Variants in PRR5L observed in about 807,000 individuals in gnomAD.
PRR5L encodes proline rich 5 like, also known as proline-rich protein 5-like.
Under a neutral mutation model 36.4 loss-of-function variants are expected in PRR5L, and 21 were observed. The ratio of observed to expected loss-of-function variants is 0.58; its 90% CI spans 0.41 to 0.83. The LOEUF (loss-of-function observed/expected upper bound fraction) is 0.83. PRR5L is among the 40% of genes least tolerant of loss of function. The pLI is 0.00. For missense variants in PRR5L, 381 were observed against 473.3 expected (o/e 0.80, Z 1.81); for synonymous variants, 188 against 197.0 (o/e 0.95, Z 0.38).
chr11:36,349,100 C>G (rs1050543453), intron 1 of PRR5L, among the ~76,000 whole-genome samples: 1 of 151,922 alleles, frequency 6.6e-6, no homozygotes, highest in Non-Finnish European at 1.5e-5. Flanking sequence ...GTGTGGCCAA[C>G]GTGGTGAAAC....
rs995000753 is a variant in PRR5L, at chr11:36,300,824, A to AGCTGG, written c.-126+4399_-126+4403dup. ...TCAGGTTCATCTGGCAGCCGTGCAG[A>AGCTGG]GCTGGGCTGGGCTGGGCCGGGCTGA... On this transcript the variant is annotated intron_variant, in intron 1 of 8. Transcript: ENST00000530639. 4 of 152,588 alleles carry AGCTGG rather than the reference A, an allele frequency of 2.6e-5. No individual in the cohort carries two copies. In the East Asian group the frequency reaches 7.7e-4, roughly 30 times the overall value. The allele number at this position is 152,588 out of a possible 1,614,324, so 9.5% of individuals were successfully genotyped here.
At chr11:36,405,416 TG>T (rs1704252745) in intron 3 of PRR5L, among the ~76,000 whole-genome samples, 1 of 152,224 alleles carries the variant, frequency 6.6e-6, no homozygotes, top group South Asian at 2.1e-4. Flanking sequence ...GGATTGAATA[TG>T]GCCAAGAAGC....
intron 3 of PRR5L, among the ~76,000 whole-genome samples, chr11:36,416,295 A>G (rs2133578350): frequency 6.6e-6 from 1 of 152,322 alleles, no homozygotes; most frequent in Non-Finnish European, 1.5e-5. Flanking sequence ...GCCCAGGTAG[A>G]GCAATAGAAT....
chr11:36,348,476 C>G (rs554209568), intron 1 of PRR5L, among the ~76,000 whole-genome samples: 1 of 152,232 alleles, frequency 6.6e-6, no homozygotes, highest in South Asian at 2.1e-4. Flanking sequence ...CAAGTCCCCG[C>G]CTCTTCCGAC....
Position 36,463,152 on chromosome 11 carries a change from T to C in PRR5L, c.*416T>C, listed in dbSNP as rs993839054. ...GATGTGTTGGCCTTTGGAGTTCCCC[T>C]TTAGGTTCCTAGTGATGTGGAGGTT... is the stretch of plus-strand genomic sequence containing the variant. On this transcript the variant is annotated 3_prime_UTR_variant, in exon 9 of 9. Transcript: ENST00000530639. 6.2e-6 allele frequency: 1 copy of C among 160,986 alleles called. No individual in the cohort carries two copies. The highest frequency in any genetic ancestry group is 1.3e-5 in the Non-Finnish European group (1 of 74,382). The allele number at this position is 160,986 out of a possible 1,614,324, so 10.0% of individuals were successfully genotyped here. A position where few individuals can be genotyped will look rare whatever the true frequency, so the allele number is the denominator to read the frequency against.
intron 1 of PRR5L, among the ~76,000 whole-genome samples, chr11:36,366,716 G>A (rs967294863): frequency 3.3e-5 from 5 of 152,120 alleles, no homozygotes; most frequent in African/African-American, 1.2e-4. Context: ...TTGTATTATG[G>A]TGCCTAGGAC....
At chr11:36,400,917 G>A (rs570272205) in intron 1 of PRR5L, 80 bp from the exon 2 acceptor site, 1 of 1,181,216 alleles carries the variant, frequency 8.5e-7, no homozygotes, top group African/African-American at 1.6e-5. Context: ...GGGTAGTTAG[G>A]CTGGAAAGTC....
intron 1 of PRR5L, among the ~76,000 whole-genome samples, chr11:36,382,468 C>T (rs1857386477): frequency 6.6e-6 from 1 of 152,228 alleles, no homozygotes; most frequent in African/African-American, 2.4e-5. Flanking sequence ...TGAAAGCGCA[C>T]ATGCATCACC....
At chr11:36,440,385 C>A (rs1263874934) in intron 6 of PRR5L, among the ~76,000 whole-genome samples, 1 of 152,142 alleles carries the variant, frequency 6.6e-6, no homozygotes, top group East Asian at 1.9e-4. Context: ...GTATGCCCTG[C>A]TGGTCACTTA....
intron 6 of PRR5L, among the ~76,000 whole-genome samples, chr11:36,439,720 G>A (rs1858681620): frequency 6.6e-6 from 1 of 152,178 alleles, no homozygotes; most frequent in African/African-American, 2.4e-5. Flanking sequence ...CCTGAAAAAG[G>A]CAAACTGTGC....
intron 1 of PRR5L, among the ~76,000 whole-genome samples, chr11:36,326,279 C>T (rs1431138016): frequency 6.8e-6 from 1 of 147,140 alleles, no homozygotes; most frequent in Non-Finnish European, 1.5e-5. Context: ...TCCCTAAACA[C>T]TTTAGTGTGT....
chr11:36,434,068 A>G (rs1422256513), intron 5 of PRR5L, among the ~76,000 whole-genome samples: 1 of 152,194 alleles, frequency 6.6e-6, no homozygotes, highest in African/African-American at 2.4e-5. Context: ...TCTCTCACCC[A>G]AGTAACCCTC....
At chr11:36,434,803 C>G (rs1202205425) in intron 5 of PRR5L, among the ~76,000 whole-genome samples, 2 of 152,150 alleles carry the variant, frequency 1.3e-5, no homozygotes, top group African/African-American at 2.4e-5. Context: ...GTTGCTGGGT[C>G]TGTGTCTGTC....
chr11:36,308,091 G>A (rs552232320), intron 1 of PRR5L, among the ~76,000 whole-genome samples: 1 of 152,166 alleles, frequency 6.6e-6, no homozygotes, highest in Admixed American at 6.5e-5. Context: ...TCCCCTGAGG[G>A]GGAACATTTC....
intron 7 of PRR5L, 139 bp downstream of exon 7, chr11:36,446,579 GTTCA>G: frequency 5.1e-5 from 52 of 1,016,790 alleles, no homozygotes; most frequent in South Asian, 8.1e-5. Flanking sequence ...GTTGGCCCGT[GTTCA>G]TTCATTCATT....
At chr11:36,400,056 G>GTC (rs1187591060) in intron 1 of PRR5L, among the ~76,000 whole-genome samples, 1 of 152,210 alleles carries the variant, frequency 6.6e-6, no homozygotes, top group African/African-American at 2.4e-5. Flanking sequence ...AAGCCATGAA[G>GTC]TCTCCCAGCA....
intron 3 of PRR5L, among the ~76,000 whole-genome samples, chr11:36,405,230 C>T (rs1330826328): frequency 6.6e-6 from 1 of 152,154 alleles, no homozygotes; most frequent in Non-Finnish European, 1.5e-5. Flanking sequence ...GCAGTGAGAT[C>T]GTGCCCTCTG....
intron 1 of PRR5L, among the ~76,000 whole-genome samples, chr11:36,314,466 A>G (rs73443133): frequency 0.11 from 16,245 of 152,240 alleles, 912 homozygotes; most frequent in Non-Finnish European, 0.12. Flanking sequence ...CAACACACAC[A>G]TACATGCACC....
At chr11:36,459,122 C>T (rs1242912452) in intron 8 of PRR5L, among the ~76,000 whole-genome samples, 1 of 152,196 alleles carries the variant, frequency 6.6e-6, no homozygotes, top group African/African-American at 2.4e-5. Context: ...TACTCTCTCC[C>T]AGGCCAGACC....
Sources: gnomAD v4.1 joint callset for allele counts (sites outside exome capture counted in the v4.1 genomes callset) on GRCh38, gnomAD v4.1.1 for gene constraint, MANE v1.5 for transcripts, NCBI Gene and HGNC (gene_info 2026-07-23, HGNC 2026-07-21) for gene names.